Variants in SPAG17 observed in about 807,000 individuals in gnomAD.
SPAG17 encodes sperm-associated antigen 17.
Under a neutral mutation model 273.6 loss-of-function variants are expected in SPAG17, and 169 were observed. The observed-to-expected ratio is 0.62, with a 90% CI of 0.55 to 0.70. The LOEUF (loss-of-function observed/expected upper bound fraction) is 0.70, where lower values mean the gene tolerates loss of function less well. Among genes scored for constraint, SPAG17 ranks in the 30% least tolerant of loss-of-function variants. The pLI is 0.00. For synonymous variants in SPAG17, 825 were observed against 873.2 expected (o/e 0.94, Z 0.97); for missense variants, 2,557 against 2,627.8 (o/e 0.97, Z 0.59).
chr1:117,982,244 T>A (rs1006929485), intron 42 of SPAG17, among the ~76,000 whole-genome samples: 2 of 149,886 alleles, frequency 1.3e-5, no homozygotes, highest in Admixed American at 1.3e-4. Flanking sequence ...TCTGCTTATT[T>A]TTTTTTTTTT....
intron 29 of SPAG17, 24 bp downstream of exon 29, chr1:118,015,941 G>T (rs1659918124): frequency 6.2e-7 from 1 of 1,603,926 alleles, no homozygotes; most frequent in Admixed American, 1.7e-5. Context: ...AGAAAATTTT[G>T]CAATAAACAA....
At chr1:118,184,821 A>T (rs543043463) in intron 1 of SPAG17, among the ~76,000 whole-genome samples, 23 of 152,278 alleles carry the variant, frequency 1.5e-4, no homozygotes, top group Non-Finnish European at 1.9e-4. Context: ...TGTCAGAGCG[A>T]CACCTCCTCT....
chr1:118,034,763 G>A (rs1024870134), intron 24 of SPAG17, among the ~76,000 whole-genome samples: 12 of 152,154 alleles, frequency 7.9e-5, no homozygotes, highest in Admixed American at 3.3e-4. Context: ...GATGGGGTTC[G>A]TTGTCATCCA....
Position 118,081,578 on chromosome 1 carries a change from G to A in SPAG17, c.1827C>T (p.Leu609=). ...GTTTCCCTTTTTCATCAACCTCAGA[G>A]AGCTTCAGGCTCTCAAAAGTAAACA... is the stretch of plus-strand genomic sequence containing the variant. ...FKVFTFESLK[L]SEVDEKGKLK... The change falls in exon 14 of 49, where the codon CTC becomes CTT. Residue 609 remains leucine (L), a synonymous_variant. Coordinates refer to ENST00000336338, the MANE Select transcript of SPAG17 (RefSeq NM_206996.4). The A allele has an allele frequency of 6.2e-7, 1 of 1,613,956 alleles. No homozygotes were observed. Among genetic ancestry groups the A allele is most frequent in the South Asian group, 1.1e-5 (1 of 91,072 alleles).
chr1:118,002,394 C>T (rs1372760834), intron 32 of SPAG17, among the ~76,000 whole-genome samples: 1 of 152,124 alleles, frequency 6.6e-6, no homozygotes, highest in Non-Finnish European at 1.5e-5. Flanking sequence ...CCTTCTGTCT[C>T]ATTGATCTGT....
intron 10 of SPAG17, 90 bp downstream of exon 10, chr1:118,091,510 TTATGAG>T (rs1338562246): frequency 1.6e-5 from 11 of 672,140 alleles, no homozygotes; most frequent in Non-Finnish European, 2.6e-5. Context: ...CACTTAGGTA[TTATGAG>T]TATAATTTTA....
At chr1:117,987,017 C>T (rs528357701) in intron 40 of SPAG17, among the ~76,000 whole-genome samples, 1 of 152,302 alleles carries the variant, frequency 6.6e-6, no homozygotes, top group African/African-American at 2.4e-5. Flanking sequence ...ACAGACCTTG[C>T]TATAGCCCCC....
intron 18 of SPAG17, among the ~76,000 whole-genome samples, chr1:118,059,320 A>G (rs1652025627): frequency 6.6e-6 from 1 of 152,096 alleles, no homozygotes; most frequent in Non-Finnish European, 1.5e-5. Context: ...TTTTGAGTTG[A>G]TTTTTGTGTA....
chr1:118,053,416 T>G (rs563729515), intron 20 of SPAG17, among the ~76,000 whole-genome samples: 69 of 152,136 alleles, frequency 4.5e-4, no homozygotes, highest in Admixed American at 1.0e-3. Flanking sequence ...TAGGAATAAT[T>G]AAGTAGGTGA....
At chr1:118,111,553 A>AACACACACACAC (rs61266210) in intron 4 of SPAG17, among the ~76,000 whole-genome samples, 15,252 of 135,692 alleles carry the variant, frequency 0.11, 1,254 homozygotes, top group African/African-American at 0.21. Flanking sequence ...CTTTTAAAAC[A>AACACACACACAC]ACACACACAC....
intron 6 of SPAG17, 129 bp from the exon 7 acceptor site, chr1:118,097,980 T>G (rs1025825350): frequency 1.6e-5 from 8 of 508,290 alleles, no homozygotes; most frequent in African/African-American, 5.9e-5. Flanking sequence ...TAAAGGAATG[T>G]AATTTTGATA....
chr1:118,051,456 C>A (rs568864634), intron 20 of SPAG17, among the ~76,000 whole-genome samples: 34 of 151,746 alleles, frequency 2.2e-4, no homozygotes, highest in Non-Finnish European at 1.5e-5. Flanking sequence ...TTTATTGCAG[C>A]ATTATTTACA....
intron 3 of SPAG17, among the ~76,000 whole-genome samples, chr1:118,126,547 G>A (rs1250794466): frequency 1.3e-5 from 2 of 151,756 alleles, no homozygotes; most frequent in Admixed American, 1.3e-4. Context: ...TTTTCTTGCT[G>A]TTAAGTTTTT....
chr1:118,012,428 A>G, intron 29 of SPAG17, 56 bp from the exon 30 acceptor site: 1 of 1,560,372 alleles, frequency 6.4e-7, no homozygotes, highest in Non-Finnish European at 8.7e-7. Context: ...TCCCAAGTGT[A>G]CTTATTTTTA....
At chr1:118,075,248 G>A (rs1471012542) in intron 15 of SPAG17, among the ~76,000 whole-genome samples, 1 of 152,148 alleles carries the variant, frequency 6.6e-6, no homozygotes, top group African/African-American at 2.4e-5. Flanking sequence ...GGACCAATAC[G>A]AGTCATGCAC....
chr1:117,992,179 A>G (rs1381783396), intron 36 of SPAG17, among the ~76,000 whole-genome samples: 1 of 152,184 alleles, frequency 6.6e-6, no homozygotes, highest in Admixed American at 6.5e-5. Context: ...AGTGGTCACT[A>G]TATCAGTTTT....
At chr1:118,171,399 A>T (rs373816107) in intron 1 of SPAG17, among the ~76,000 whole-genome samples, 1 of 152,210 alleles carries the variant, frequency 6.6e-6, no homozygotes, top group East Asian at 1.9e-4. Flanking sequence ...TTGGAGCTAG[A>T]AAAATAACTT....
At chr1:118,020,430 G>C (rs1300913751) in intron 28 of SPAG17, among the ~76,000 whole-genome samples, 2 of 149,542 alleles carry the variant, frequency 1.3e-5, no homozygotes, top group Admixed American at 6.7e-5. Context: ...GTGACACTGT[G>C]TCTCAAGAAA....
chr1:117,982,911 T>C (rs1462449219), intron 42 of SPAG17, among the ~76,000 whole-genome samples: 1 of 152,210 alleles, frequency 6.6e-6, no homozygotes, highest in East Asian at 1.9e-4. Context: ...GGTCGTCTTA[T>C]AGAATGTCTG....
Sources: gnomAD v4.1 joint callset for allele counts (sites outside exome capture counted in the v4.1 genomes callset) on GRCh38, gnomAD v4.1.1 for gene constraint, MANE v1.5 for transcripts, NCBI Gene and HGNC (gene_info 2026-07-23, HGNC 2026-07-21) for gene names.